MRAP2: variants seen among roughly 807,000 people sequenced by gnomAD.
The protein encoded by MRAP2 is melanocortin-2 receptor accessory protein 2.
In MRAP2, 20 loss-of-function variants were observed where a neutral mutation model predicts 17.4. The observed-to-expected ratio is 1.15, with a 90% CI of 0.81 to 1.67. MRAP2 has a LOEUF of 1.67. MRAP2 is among the 40% of genes most tolerant of loss of function. MRAP2 has a pLI of 0.00. For missense variants in MRAP2, 238 were observed against 240.0 expected (o/e 0.99, Z 0.05); for synonymous variants, 96 against 88.4 (o/e 1.09, Z -0.48).
the MRAP2 span, among the ~76,000 whole-genome samples, chr6:84,100,959 T>C: frequency 6.6e-6 from 1 of 150,680 alleles, no homozygotes; most frequent in African/African-American, 2.5e-5. Flanking sequence ...TATTCTATTG[T>C]TTGATGTCTC....
intron 2 of MRAP2, 58 bp downstream of exon 2, chr6:84,055,503 A>G (rs981323711): frequency 1.2e-5 from 19 of 1,523,638 alleles, no homozygotes; most frequent in Middle Eastern, 3.8e-4. Context: ...AACCTGTGAA[A>G]TCCCCAAGGA....
At chr6:84,143,538 C>CTGTA in the MRAP2 span, among the ~76,000 whole-genome samples, 1 of 151,778 alleles carries the variant, frequency 6.6e-6, no homozygotes, top group Non-Finnish European at 1.5e-5. Flanking sequence ...ATAATTAAAT[C>CTGTA]TGTACTAAAG....
At chr6:84,140,234 A>G in the MRAP2 span, among the ~76,000 whole-genome samples, 2 of 152,138 alleles carry the variant, frequency 1.3e-5, no homozygotes, top group Admixed American at 6.5e-5. Flanking sequence ...ACGGCAGTCC[A>G]TTAGGAGCCT....
At chr6:84,093,797 A>AG (rs530983462), downstream of MRAP2, among the ~76,000 whole-genome samples, 75 of 152,340 alleles carry the variant, frequency 4.9e-4, 1 homozygote, top group South Asian at 8.7e-3. Context: ...AGGAAGGGGT[A>AG]GCTATGAGTT....
At chr6:84,096,324 C>T in the MRAP2 span, among the ~76,000 whole-genome samples, 1 of 152,188 alleles carries the variant, frequency 6.6e-6, no homozygotes, top group African/African-American at 2.4e-5. Flanking sequence ...CTTGGGTATA[C>T]ATTTATGATA....
At chr6:84,093,243 AAG>A (rs917392517), downstream of MRAP2, among the ~76,000 whole-genome samples, 3 of 149,176 alleles carry the variant, frequency 2.0e-5, no homozygotes, top group African/African-American at 5.1e-5. Flanking sequence ...AGCAAAGAGA[AAG>A]AGAGAGAATA....
chr6:84,040,019 G>A (rs1183208864), intron 1 of MRAP2, among the ~76,000 whole-genome samples: 2 of 152,184 alleles, frequency 1.3e-5, no homozygotes, highest in South Asian at 2.1e-4. Context: ...ATTCCTACCA[G>A]TGTGATATGA....
chr6:84,041,642 C>T (rs2497107), intron 1 of MRAP2, among the ~76,000 whole-genome samples: 37,681 of 152,214 alleles, frequency 0.25, 6,065 homozygotes, highest in African/African-American at 0.45. Context: ...AGATATAGAG[C>T]CAAAGGAGAT....
chr6:84,087,821 A>T (rs2129176273), intron 3 of MRAP2, among the ~76,000 whole-genome samples: 1 of 152,216 alleles, frequency 6.6e-6, no homozygotes, highest in South Asian at 2.1e-4. Flanking sequence ...TTCTGAAAGG[A>T]TTTCTTGCTT....
the MRAP2 span, among the ~76,000 whole-genome samples, chr6:84,116,955 T>C: frequency 6.6e-6 from 1 of 152,076 alleles, no homozygotes; most frequent in East Asian, 1.9e-4. Context: ...TTCCTTCCCT[T>C]CCCTTCCCTT....
At chr6:84,124,109 G>C in the MRAP2 span, 11 of 152,096 alleles carry the variant, frequency 7.2e-5, no homozygotes, top group Admixed American at 3.3e-4. Context: ...TACTCTCTTG[G>C]TGGGAATGTA....
At chr6:84,094,850 C>T (rs552245221), downstream of MRAP2, among the ~76,000 whole-genome samples, 21 of 152,212 alleles carry the variant, frequency 1.4e-4, no homozygotes, top group Non-Finnish European at 2.8e-4. Flanking sequence ...CACCACCGCA[C>T]CTGGCCAGAT....
At chr6:84,061,129 A>G (rs1040072339) in intron 2 of MRAP2, among the ~76,000 whole-genome samples, 4 of 152,238 alleles carry the variant, frequency 2.6e-5, no homozygotes, top group African/African-American at 9.6e-5. Flanking sequence ...ACCTCTAGGC[A>G]ATAGTATATG....
chr6:84,046,780 CAAAAAAAAAAAAAAAAA>C (rs756963425), intron 1 of MRAP2, among the ~76,000 whole-genome samples: 2 of 23,154 alleles, frequency 8.6e-5, no homozygotes, highest in East Asian at 1.2e-3. Flanking sequence ...AACTCCATCT[CAAAAAAAAAAAAAAAAA>C]AAAAAAAAAG....
chr6:84,066,864 G>A (rs550332360), intron 3 of MRAP2, among the ~76,000 whole-genome samples: 12 of 152,132 alleles, frequency 7.9e-5, no homozygotes, highest in Admixed American at 2.0e-4. Context: ...CTATTGAACC[G>A]GAGATGTTAG....
chr6:84,083,265 C>T (rs1287148982), intron 3 of MRAP2, among the ~76,000 whole-genome samples: 1 of 152,196 alleles, frequency 6.6e-6, no homozygotes, highest in Non-Finnish European at 1.5e-5. Context: ...GCCACCATGC[C>T]TGGCCTGTTT....
the MRAP2 span, among the ~76,000 whole-genome samples, chr6:84,143,335 A>C: frequency 6.6e-6 from 1 of 152,048 alleles, no homozygotes; most frequent in Admixed American, 6.6e-5. Context: ...TTGGTATATG[A>C]CAGGTCATGG....
chr6:84,039,030 T>C (rs1413354684), intron 1 of MRAP2, among the ~76,000 whole-genome samples: 1 of 152,232 alleles, frequency 6.6e-6, no homozygotes, highest in Non-Finnish European at 1.5e-5. Flanking sequence ...CATTTACTTT[T>C]GACAAAGGAA....
intron 3 of MRAP2, among the ~76,000 whole-genome samples, chr6:84,064,563 C>T (rs2099494084): frequency 6.6e-6 from 1 of 152,188 alleles, no homozygotes; most frequent in African/African-American, 2.4e-5. Flanking sequence ...TCTTGGCTCA[C>T]TGCAAGCTCC....
Sources: allele counts gnomAD v4.1 joint callset (sites outside exome capture counted in the v4.1 genomes callset), GRCh38; gene constraint gnomAD v4.1.1; transcripts MANE v1.5; gene names NCBI Gene and HGNC (gene_info 2026-07-23, HGNC 2026-07-21).